ZNF578: variants seen among roughly 807,000 people sequenced by gnomAD.
ZNF578 encodes the protein zinc finger protein 578.
A neutral mutation model predicts 8.3 loss-of-function variants in ZNF578; 8 were observed. That is an observed-to-expected ratio of 0.96 (90% CI 0.56 to 1.74). The LOEUF is 1.74. Ranked by LOEUF, ZNF578 falls within the 40% of genes most tolerant of loss-of-function variation. The probability of loss-of-function intolerance (pLI) is 0.00; values close to 1 mark genes in which losing one functional copy is unlikely to be tolerated. For synonymous variants in ZNF578, 206 were observed against 232.2 expected (o/e 0.89, Z 1.03); for missense variants, 726 against 707.5 (o/e 1.03, Z -0.30).
rs1568467647 is a variant in ZNF578 at position 52,510,568 on chromosome 19, G to A, written c.191-4G>A. 3 of 1,524,072 alleles carry A rather than the reference G, an allele frequency of 2.0e-6. No individual in the cohort carries two copies. Among genetic ancestry groups the A allele is most frequent in the South Asian group, 2.7e-5 (2 of 74,448 alleles). The allele number at this position is 1,524,072 out of a possible 1,614,324, so 94.4% of individuals were successfully genotyped here. A position where few individuals can be genotyped will look rare whatever the true frequency, so the allele number is the denominator to read the frequency against. On this transcript the variant is annotated splice_region_variant and splice_polypyrimidine_tract_variant and intron_variant, in intron 5 of 5. Coordinates refer to ENST00000421239, the MANE Select transcript of ZNF578 (RefSeq NM_001099694.2). The stretch of plus-strand genomic sequence containing the variant: ...GCAAACGTATTGGTGTTTATATTTT[G>A]TAGATATCTCTTCCAAACGCATGAT...
intron 2 of ZNF578, chr19:52,457,407 T>C (rs2059242862): frequency 6.6e-6 from 1 of 152,234 alleles, no homozygotes. Flanking sequence ...TCTGTATCCT[T>C]TGCAGTATCC....
At chr19:52,482,810 G>A (rs1430803946) in intron 2 of ZNF578, among the ~76,000 whole-genome samples, 3 of 151,630 alleles carry the variant, frequency 2.0e-5, no homozygotes, top group African/African-American at 4.9e-5. Flanking sequence ...GGTGGTACAT[G>A]CCTCTAATTT....
At chr19:52,461,619 G>A (rs192310167) in intron 2 of ZNF578, among the ~76,000 whole-genome samples, 5 of 152,232 alleles carry the variant, frequency 3.3e-5, no homozygotes, top group Middle Eastern at 3.4e-3. Flanking sequence ...GAATCAATAC[G>A]GGTGAAAAGG....
chr19:52,483,982 C>T (rs577727042), intron 2 of ZNF578, among the ~76,000 whole-genome samples: 2 of 152,006 alleles, frequency 1.3e-5, no homozygotes, highest in African/African-American at 4.8e-5. Flanking sequence ...GCTCAGCATA[C>T]GGAGGACCCA....
intron 3 of ZNF578, among the ~76,000 whole-genome samples, chr19:52,500,407 C>G (rs1185751232): frequency 8.5e-6 from 1 of 117,444 alleles, no homozygotes; most frequent in East Asian, 2.5e-4. Context: ...TTTTGAGTTT[C>G]CTTTTTTTTT....
intron 3 of ZNF578, among the ~76,000 whole-genome samples, chr19:52,501,075 C>T (rs749338495): frequency 3.9e-5 from 6 of 152,080 alleles, no homozygotes; most frequent in Admixed American, 2.6e-4. Flanking sequence ...GAAAGCATTT[C>T]GCCATGTTGG....
Sources: gnomAD v4.1 joint callset for allele counts (sites outside exome capture counted in the v4.1 genomes callset) on GRCh38, gnomAD v4.1.1 for gene constraint, MANE v1.5 for transcripts, NCBI Gene and HGNC (gene_info 2026-07-23, HGNC 2026-07-21) for gene names.